VPS13C: variants seen among roughly 807,000 people sequenced by gnomAD.
VPS13C encodes intermembrane lipid transfer protein VPS13C.
A neutral mutation model predicts 456.8 loss-of-function variants in VPS13C; 358 were observed. The ratio of observed to expected loss-of-function variants is 0.78; its 90% confidence interval spans 0.72 to 0.86. The LOEUF (loss-of-function observed/expected upper bound fraction) is 0.86, where lower values mean the gene tolerates loss of function less well. VPS13C is among the 40% of genes least tolerant of loss of function. VPS13C has a pLI of 0.00. For missense variants in VPS13C, 4,818 were observed against 4,385.4 expected (o/e 1.10, Z -2.79); for synonymous variants, 1,578 against 1,486.7 (o/e 1.06, Z -1.41).
intron 66 of VPS13C, among the ~76,000 whole-genome samples, chr15:61,897,327 C>G (rs534536341): frequency 6.6e-6 from 1 of 152,194 alleles, no homozygotes; most frequent in South Asian, 2.1e-4. Flanking sequence ...ACATTAAAAT[C>G]AAAGGCAAAC....
At position 61,877,005 on chromosome 15, in the gene VPS13C, T is replaced by A; in HGVS notation, c.10192A>T (p.Ile3398Leu). 6.2e-7 allele frequency: 1 copy of A among 1,610,094 alleles called. No individual in the cohort carries two copies. The highest frequency in any genetic ancestry group is 1.3e-5 in the African/African-American group (1 of 74,822). The change falls in exon 75 of 85, where the codon ATA (isoleucine) becomes TTA (leucine). Residue 3398 changes from isoleucine (I) to leucine (L), a missense_variant. By Grantham distance (5) the Ile-to-Leu change is conservative. Around this residue, in one of 3 missense-constraint regions of VPS13C, gnomAD observed 4,552 missense variants for 4,130.6 expected, o/e 1.10. Transcript: ENST00000644861. ...RYQFYKRDQL[I>L]WSVVRHYSEQ... ...CTGTAATGCCTAACAACACTCCATATAAGCTGATCTCTCTTGTAGAACTGA... is the reference window on the plus strand; with the variant it reads ...CTGTAATGCCTAACAACACTCCATAAAAGCTGATCTCTCTTGTAGAACTGA...
rs143737032 is a variant in VPS13C, at chr15:62,026,408, A to G, written c.448+1950T>C. ...GTCACATCTGTTAATATTACCACCA[A>G]TCTCATCAGAAAAGTCTTAAAGTAC... On this transcript the variant is annotated intron_variant, in intron 6 of 84. Coordinates refer to ENST00000644861, the MANE Select transcript of VPS13C (RefSeq NM_020821.3). Among the ~76,000 whole-genome samples the G allele has an allele frequency of 2.6e-5, 4 of 152,194 alleles. No individual in the cohort carries two copies. The East Asian group carries it at 7.7e-4, about 29-fold the overall frequency.
chr15:61,922,331 G>T, intron 54 of VPS13C, 66 bp downstream of exon 54: 1 of 1,540,342 alleles, frequency 6.5e-7, no homozygotes. Flanking sequence ...CAAGAAAAGT[G>T]TATATCTTAA....
chr15:61,880,679 A>C lies in VPS13C; in HGVS notation c.9932T>G (p.Leu3311Ter), dbSNP rs750164538. ...QQDIDALNAELMETSMTDMSI... is the reference protein window; with the variant it reads ...QQDIDALNAE ...CATATCAGTCATTGAAGTCTCCATT[A>C]ATTCTGCATTTAGAGCATCAATATC... Residue 3311 changes from leucine (L) to a stop codon, truncating the protein, a stop_gained, in exon 73 of 85, where the codon TTA (leucine) becomes TGA (stop). Coordinates refer to ENST00000644861, the MANE Select transcript of VPS13C (RefSeq NM_020821.3). LOFTEE classifies it high-confidence loss of function. The C allele has an allele frequency of 6.2e-7, 1 of 1,600,506 alleles. No individual in the cohort carries two copies. Among genetic ancestry groups the C allele is most frequent in the Non-Finnish European group, 8.5e-7 (1 of 1,174,986 alleles).
intron 27 of VPS13C, among the ~76,000 whole-genome samples, chr15:61,972,183 C>G (rs1473590476): frequency 6.6e-6 from 1 of 152,108 alleles, no homozygotes; most frequent in Non-Finnish European, 1.5e-5. Flanking sequence ...CTCCATGTTT[C>G]CTTTTACCAC....
At position 62,013,919 on chromosome 15, in the gene VPS13C, T is replaced by A; in HGVS notation, c.744+14A>T. 6.3e-7 allele frequency: 1 copy of A among 1,586,766 alleles called. No homozygotes were observed. Among genetic ancestry groups the A allele is most frequent in the South Asian group, 1.1e-5 (1 of 88,462 alleles). The stretch of plus-strand genomic sequence containing the variant: ...CCTAGGAAACTAACAAAAATTTTTA[T>A]TCCAACATAATACCTTGTATATAAT... On this transcript the variant is annotated intron_variant, in intron 10 of 84. Transcript: ENST00000644861.
At chr15:62,037,410 ATATAAT>A (rs1463268702) in intron 3 of VPS13C, among the ~76,000 whole-genome samples, 3 of 93,696 alleles carry the variant, frequency 3.2e-5, no homozygotes, top group African/African-American at 7.4e-5. Context: ...ATATAAATAT[ATATAAT>A]ATGTTATATA....
chr15:61,908,952 A>AC, intron 65 of VPS13C, 40 bp downstream of exon 65: 4 of 1,601,954 alleles, frequency 2.5e-6, no homozygotes, highest in Non-Finnish European at 3.4e-6. Flanking sequence ...GTTACTATGA[A>AC]CCAATAAAAG....
At chr15:61,874,371 G>A (rs193139381) in intron 77 of VPS13C, among the ~76,000 whole-genome samples, 46 of 152,006 alleles carry the variant, frequency 3.0e-4, no homozygotes, top group African/African-American at 9.4e-4. Flanking sequence ...AATGTTCGAG[G>A]TGATAAATAT....
intron 79 of VPS13C, 131 bp from the exon 80 acceptor site, chr15:61,869,754 G>A (rs1894873952): frequency 6.9e-7 from 1 of 1,453,216 alleles, no homozygotes; most frequent in African/African-American, 1.4e-5. Context: ...TTCTAAAGAA[G>A]TTAAATGTAA....
At chr15:61,892,136 G>A (rs1165996685) in intron 66 of VPS13C, among the ~76,000 whole-genome samples, 2 of 152,214 alleles carry the variant, frequency 1.3e-5, no homozygotes, top group Non-Finnish European at 1.5e-5. Flanking sequence ...AGCATCACAA[G>A]TGCTTTAGGA....
At position 62,011,133 on chromosome 15, in the gene VPS13C, T is replaced by C. The variant is rs552027671; in HGVS notation, c.884-534A>G. On this transcript the variant is annotated intron_variant, in intron 12 of 84. Transcript: ENST00000644861. ...TCAACTAAAGAAAATAATCTTCAAG[T>C]TGAGAAGTAATATAAAAAGGTGTAT... Among the ~76,000 whole-genome samples the C allele has an allele frequency of 2.2e-4, 34 of 152,130 alleles. No homozygotes were observed. The South Asian group carries it at 3.3e-3, about 15-fold the overall frequency.
intron 1 of VPS13C, among the ~76,000 whole-genome samples, chr15:62,045,292 A>G (rs1175818312): frequency 6.6e-6 from 1 of 152,134 alleles, no homozygotes. Flanking sequence ...AATGGCAAAA[A>G]TGCAACTACT....
intron 1 of VPS13C, among the ~76,000 whole-genome samples, chr15:62,052,498 C>T (rs188820205): frequency 2.6e-5 from 4 of 151,660 alleles, no homozygotes; most frequent in East Asian, 3.9e-4. Context: ...GGTGAAACCC[C>T]GTCTCTACTA....
intron 14 of VPS13C, among the ~76,000 whole-genome samples, chr15:62,007,708 G>A (rs1305810504): frequency 6.6e-6 from 1 of 152,186 alleles, no homozygotes; most frequent in Non-Finnish European, 1.5e-5. Context: ...GGCACAAAAC[G>A]ACATGTGGGA....
intron 27 of VPS13C, among the ~76,000 whole-genome samples, chr15:61,969,975 G>A (rs1366492759): frequency 3.9e-5 from 3 of 77,254 alleles, no homozygotes; most frequent in Non-Finnish European, 8.7e-5. Context: ...TTGAATATGG[G>A]CAGGCTTGTG....
chr15:61,926,985 T>A (rs1001429491), intron 52 of VPS13C, 106 bp downstream of exon 52: 8 of 1,009,602 alleles, frequency 7.9e-6, no homozygotes, highest in Non-Finnish European at 1.0e-5. Context: ...AAGTTCACAA[T>A]AAATAATCTC....
chr15:61,970,360 A>G (rs2045509115), intron 27 of VPS13C, among the ~76,000 whole-genome samples: 1 of 152,220 alleles, frequency 6.6e-6, no homozygotes, highest in African/African-American at 2.4e-5. Flanking sequence ...ACAAACCTGT[A>G]AGCAAAATAA....
chr15:61,957,907 T>C (rs377118391), intron 37 of VPS13C, among the ~76,000 whole-genome samples: 29 of 152,026 alleles, frequency 1.9e-4, no homozygotes, highest in East Asian at 7.7e-4. Flanking sequence ...TCTACAGATA[T>C]GGAATAGACA....
Sources: gnomAD v4.1 joint callset for allele counts (sites outside exome capture counted in the v4.1 genomes callset) on GRCh38, gnomAD v4.1.1 for gene constraint, gnomAD v4.1.1 regional missense constraint, MANE v1.5 for transcripts, NCBI Gene and HGNC (gene_info 2026-07-23, HGNC 2026-07-21) for gene names.